The following TMC5 variants were observed in gnomAD, a reference collection of about 807,000 sequenced individuals.
The protein encoded by TMC5 is transmembrane channel-like protein 5.
A neutral mutation model predicts 110.5 loss-of-function variants in TMC5; 86 were observed. That is an observed-to-expected ratio of 0.78 (90% CI 0.65 to 0.93). TMC5 has a LOEUF of 0.93. TMC5 is among the 40% of genes least tolerant of loss of function. The pLI, the probability that TMC5 is intolerant of heterozygous loss-of-function variation, is 0.00. For missense variants in TMC5, 1,144 were observed against 1,222.8 expected, an observed-to-expected ratio of 0.94 and a Z score of 0.96; for synonymous variants, 455 against 439.5, an observed-to-expected ratio of 1.04 and a Z score of -0.44.
At chr16:19,450,024 T>C (rs1967713882) in intron 5 of TMC5, among the ~76,000 whole-genome samples, 1 of 152,238 alleles carries the variant, frequency 6.6e-6, no homozygotes, top group Admixed American at 6.5e-5. Flanking sequence ...TAAAGGACAG[T>C]GACCAAAAAG....
chr16:19,496,541 T>C (rs1373366887), intron 20 of TMC5, among the ~76,000 whole-genome samples: 2 of 152,136 alleles, frequency 1.3e-5, no homozygotes, highest in Non-Finnish European at 1.5e-5. Context: ...TGTGCACTTG[T>C]CACCCCACGT....
At chr16:19,412,593 C>G (rs1213534162) in intron 1 of TMC5, among the ~76,000 whole-genome samples, 1 of 151,406 alleles carries the variant, frequency 6.6e-6, no homozygotes, top group Non-Finnish European at 1.5e-5. Context: ...GTCTTGAACT[C>G]CTGACCTCAG....
chr16:19,412,356 G>A (rs1167928404), intron 1 of TMC5, among the ~76,000 whole-genome samples: 1 of 149,694 alleles, frequency 6.7e-6, no homozygotes, highest in Non-Finnish European at 1.5e-5. Flanking sequence ...ACAGGCATGA[G>A]CCACCAAGCC....
At chr16:19,433,086 C>T (rs540298007) in intron 2 of TMC5, among the ~76,000 whole-genome samples, 1 of 152,106 alleles carries the variant, frequency 6.6e-6, no homozygotes, top group South Asian at 2.1e-4. Context: ...GTCAAAGATT[C>T]AAAACAAAGA....
At chr16:19,463,519 G>A in intron 7 of TMC5, 152 bp downstream of exon 7, 1 of 832,956 alleles carries the variant, frequency 1.2e-6, no homozygotes, top group South Asian at 1.6e-5. Flanking sequence ...AAGCGAGGTG[G>A]GCATGGGGAA....
intron 1 of TMC5, among the ~76,000 whole-genome samples, chr16:19,420,437 A>C (rs8055972): frequency 0.49 from 74,458 of 150,742 alleles, 21,001 homozygotes; most frequent in South Asian, 0.75. Context: ...AAAAAAAAAA[A>C]TAAAAAAAAT....
intron 17 of TMC5, chr16:19,487,916 G>A (rs1476779125): frequency 6.6e-6 from 1 of 152,468 alleles, no homozygotes; most frequent in East Asian, 1.9e-4. Flanking sequence ...AGGGGAAACG[G>A]GCTAGAGGCT....
chr16:19,448,324 AC>A (rs1402216262), intron 4 of TMC5, among the ~76,000 whole-genome samples: 7 of 151,552 alleles, frequency 4.6e-5, no homozygotes, highest in African/African-American at 1.7e-4. Context: ...ACACACACAC[AC>A]ACTTTTTTAC....
At chr16:19,475,422 A>G (rs1968463349) in intron 12 of TMC5, among the ~76,000 whole-genome samples, 1 of 149,872 alleles carries the variant, frequency 6.7e-6, no homozygotes, top group African/African-American at 2.5e-5. Context: ...ACTCCATCTC[A>G]GAAAAAAAAA....
In TMC5 at chr16:19,492,334, C is replaced by T. The variant is rs576765128; in HGVS notation, c.2826+106C>T. The T allele has an allele frequency of 2.9e-5, 19 of 651,912 alleles. No individual in the cohort carries two copies. In the East Asian group the frequency reaches 4.7e-4, roughly 16 times the overall value. The allele number at this position is 651,912 out of a possible 1,614,324, so 40.4% of individuals were successfully genotyped here. A position where few individuals can be genotyped will look rare whatever the true frequency, so the allele number is the denominator to read the frequency against. On this transcript the variant is annotated intron_variant, in intron 19 of 21. Coordinates refer to ENST00000542583, the MANE Select transcript of TMC5 (RefSeq NM_001261841.2). The stretch of plus-strand genomic sequence containing the variant: ...ACTACAATGAACTCTCATATCCCTG[C>T]TCTCAGCCCTAACAACCATCAATGT...
chr16:19,440,925 TATGAC>T, intron 3 of TMC5, 99 bp downstream of exon 3: 1 of 1,239,540 alleles, frequency 8.1e-7, no homozygotes, highest in African/African-American at 1.5e-5. Context: ...TAGGGATATA[TATGAC>T]GGTTTCTATG....
At chr16:19,469,537 C>A in intron 9 of TMC5, 144 bp from the exon 10 acceptor site, 2 of 977,684 alleles carry the variant, frequency 2.0e-6, no homozygotes, top group Non-Finnish European at 3.0e-6. Context: ...TGTGTGGTGA[C>A]CACACCGCTC....
intron 12 of TMC5, 60 bp downstream of exon 12, chr16:19,474,336 A>C (rs1325727199): frequency 6.4e-7 from 1 of 1,565,326 alleles, no homozygotes; most frequent in Non-Finnish European, 8.7e-7. Context: ...GTGGGATGGC[A>C]GCTAGAAAGG....
chr16:19,417,418 CAAAAAAA>C (rs34861075), upstream of TMC5, among the ~76,000 whole-genome samples: 2 of 85,338 alleles, frequency 2.3e-5, no homozygotes, highest in African/African-American at 1.0e-4. Context: ...AACGCTGTCT[CAAAAAAA>C]AAAAAAAAAA....
At chr16:19,495,613 G>A (rs1263346471) in intron 20 of TMC5, among the ~76,000 whole-genome samples, 1 of 152,174 alleles carries the variant, frequency 6.6e-6, no homozygotes, top group Non-Finnish European at 1.5e-5. Flanking sequence ...TCAGGAGGCT[G>A]AGGTGGGAGG....
chr16:19,473,799 G>A (rs1463201168), intron 11 of TMC5, among the ~76,000 whole-genome samples: 2 of 152,072 alleles, frequency 1.3e-5, no homozygotes, highest in African/African-American at 4.8e-5. Context: ...GGCCAACATG[G>A]GGAAACCCCA....
At position 19,487,036 on chromosome 16, in the gene TMC5, A is replaced by C. The variant is rs756107455; in HGVS notation, c.2439+16A>C. On this transcript the variant is annotated intron_variant, in intron 16 of 21. Transcript: ENST00000542583. The stretch of plus-strand genomic sequence containing the variant: ...CTCCAAAAATGTGAGTCAGTCCGAC[A>C]TTGCCATCAATCAGCTTTGTTCAGT... The C allele has an allele frequency of 6.2e-7, 1 of 1,613,458 alleles. No individual in the cohort carries two copies. Among genetic ancestry groups the C allele is most frequent in the Non-Finnish European group, 8.5e-7 (1 of 1,179,560 alleles).
At chr16:19,472,896 G>A (rs1038890403) in intron 11 of TMC5, among the ~76,000 whole-genome samples, 1 of 152,140 alleles carries the variant, frequency 6.6e-6, no homozygotes, top group Non-Finnish European at 1.5e-5. Context: ...GGGAGGATAT[G>A]GGAATGTGAG....
rs767187826 is a variant in TMC5 at position 19,490,534 on chromosome 16, G to A, written c.2713G>A (p.Val905Met). Residue 905 changes from valine to methionine, a missense_variant, in exon 18 of 22, where the codon GTG becomes ATG. Val to Met is a conservative substitution (Grantham distance 21). Coordinates refer to ENST00000542583, the MANE Select transcript of TMC5 (RefSeq NM_001261841.2). Reference sequence around the variant, plus strand: ...GATCTATCGGAACCTCATTGGAAGTGTGCACTTCTTTTTCATCCTCACCCT... The same window carrying A: ...GATCTATCGGAACCTCATTGGAAGTATGCACTTCTTTTTCATCCTCACCCT... ...VWIYRNLIGSVHFFFILTLIV... is the reference protein window; with the variant it reads ...VWIYRNLIGSMHFFFILTLIV... 6 of 1,614,112 alleles carry A rather than the reference G, an allele frequency of 3.7e-6. No homozygotes were observed. The highest frequency in any genetic ancestry group is 1.7e-5 in the Admixed American group (1 of 60,008).
Sources: allele counts gnomAD v4.1 joint callset (sites outside exome capture counted in the v4.1 genomes callset), GRCh38; gene constraint gnomAD v4.1.1; transcripts MANE v1.5; gene names NCBI Gene and HGNC (gene_info 2026-07-23, HGNC 2026-07-21).